Variants in FCHO2 observed in about 807,000 individuals in gnomAD.
The protein encoded by FCHO2 is F-BAR domain only protein 2.
In FCHO2, 43 loss-of-function variants were observed where a neutral mutation model predicts 114.1. That is an observed-to-expected ratio of 0.38 (90% CI 0.30 to 0.49). FCHO2 has a LOEUF of 0.49. Among genes scored for constraint, FCHO2 ranks in the 20% least tolerant of loss-of-function variants. FCHO2 has a pLI of 0.97. For synonymous variants in FCHO2, 293 were observed against 315.2 expected (o/e 0.93, Z 0.75); for missense variants, 807 against 950.4 (o/e 0.85, Z 1.98).
intron 16 of FCHO2, 106 bp from the exon 17 acceptor site, chr5:73,058,327 G>C: frequency 1.4e-6 from 1 of 709,606 alleles, no homozygotes; most frequent in East Asian, 2.9e-5. Flanking sequence ...TTTTAATTAT[G>C]TATATTGAGC....
chr5:73,024,399 T>TTGTG (rs1755803254), intron 8 of FCHO2, among the ~76,000 whole-genome samples: 1 of 151,958 alleles, frequency 6.6e-6, no homozygotes, highest in South Asian at 2.1e-4. Context: ...GTGCAGTGGT[T>TTGTG]TGTGACCTGC....
chr5:73,022,418 T>A (rs10062937), intron 8 of FCHO2, among the ~76,000 whole-genome samples: 1 of 152,214 alleles, frequency 6.6e-6, no homozygotes, highest in South Asian at 2.1e-4. Flanking sequence ...ATGCAATTTT[T>A]CCCACTCTGC....
At position 73,052,508 on chromosome 5, in the gene FCHO2, G is replaced by GT; in HGVS notation, c.1173+2dup. 1 of 1,581,448 alleles carries GT rather than the reference G, an allele frequency of 6.3e-7. No individual in the cohort carries two copies. The highest frequency in any genetic ancestry group is 8.6e-7 in the Non-Finnish European group (1 of 1,162,688). On this transcript the variant is annotated splice_donor_variant, in intron 13 of 25. Transcript: ENST00000430046. LOFTEE classifies it high-confidence loss of function. ...TATAACACTCTCCCCAGCAATATCT[G>GT]TAAGTACAAACACGTTTGTACTCTT...
chr5:72,972,200 A>G (rs966139154), intron 2 of FCHO2, among the ~76,000 whole-genome samples: 1 of 151,836 alleles, frequency 6.6e-6, no homozygotes, highest in African/African-American at 2.4e-5. Context: ...TTTTGGTTCC[A>G]TATGAACTTT....
chr5:72,988,562 T>C (rs1245751471), intron 2 of FCHO2, among the ~76,000 whole-genome samples: 1 of 152,210 alleles, frequency 6.6e-6, no homozygotes, highest in Non-Finnish European at 1.5e-5. Flanking sequence ...TAAAATCTCA[T>C]ATGCTAAACA....
intron 24 of FCHO2, among the ~76,000 whole-genome samples, chr5:73,086,775 G>C (rs1743326778): frequency 6.6e-6 from 1 of 151,984 alleles, no homozygotes; most frequent in South Asian, 2.1e-4. Context: ...ACCATGGCCT[G>C]GCCCATGCTA....
intron 2 of FCHO2, among the ~76,000 whole-genome samples, chr5:72,976,043 T>G (rs922630655): frequency 1.3e-5 from 2 of 152,222 alleles, no homozygotes; most frequent in Non-Finnish European, 2.9e-5. Context: ...TTTAATTTTG[T>G]AAGAAACCCA....
intron 9 of FCHO2, 74 bp downstream of exon 9, chr5:73,034,775 G>A: frequency 1.6e-6 from 2 of 1,231,980 alleles, no homozygotes; most frequent in Admixed American, 5.0e-5. Flanking sequence ...AACAAATAAG[G>A]AGGGACTGCT....
chr5:73,010,782 C>T (rs566050449), intron 6 of FCHO2, among the ~76,000 whole-genome samples: 2 of 147,108 alleles, frequency 1.4e-5, no homozygotes, highest in South Asian at 4.3e-4. Context: ...GAGGCTAAGG[C>T]ACCAGAATTG....
Position 73,058,975 on chromosome 5 carries a change from G to A in FCHO2, c.1345+451G>A, listed in dbSNP as rs948511124. ...ATTTAAAATTTATGGCTTACAAGAT[G>A]ATGTCCATGATACTTATTGCCAAAC... On this transcript the variant is annotated intron_variant, in intron 17 of 25. Coordinates refer to ENST00000430046, the MANE Select transcript of FCHO2 (RefSeq NM_138782.3). Among the ~76,000 whole-genome samples, 5 of 152,218 alleles carry A rather than the reference G, an allele frequency of 3.3e-5. No homozygotes were observed. The East Asian group carries it at 5.8e-4, about 18-fold the overall frequency.
chr5:73,001,574 G>A (rs948689516), intron 5 of FCHO2, among the ~76,000 whole-genome samples: 1 of 145,404 alleles, frequency 6.9e-6, no homozygotes, highest in East Asian at 2.0e-4. Context: ...CTATCATCTT[G>A]TATTAAAGAT....
chr5:73,032,473 GTT>G (rs958184499), intron 8 of FCHO2, among the ~76,000 whole-genome samples: 1 of 152,136 alleles, frequency 6.6e-6, no homozygotes, highest in African/African-American at 2.4e-5. Context: ...TAGGAAAAGA[GTT>G]TTGTGAGAAC....
intron 8 of FCHO2, chr5:73,021,067 T>G: frequency 1.1e-6 from 1 of 903,986 alleles, no homozygotes; most frequent in Non-Finnish European, 1.9e-6. Flanking sequence ...GTCCTCTCCC[T>G]CTGGAAAGAA....
At chr5:72,992,037 A>G (rs1408692005) in intron 5 of FCHO2, among the ~76,000 whole-genome samples, 1 of 152,214 alleles carries the variant, frequency 6.6e-6, no homozygotes, top group Non-Finnish European at 1.5e-5. Context: ...AATGTAATTA[A>G]TCCATTTCTA....
chr5:73,022,541 T>C (rs1272532590), intron 8 of FCHO2, among the ~76,000 whole-genome samples: 1 of 152,232 alleles, frequency 6.6e-6, no homozygotes, highest in Non-Finnish European at 1.5e-5. Flanking sequence ...GCCTTATTCA[T>C]GGCAGATACC....
chr5:72,988,140 T>C (rs377058383), intron 2 of FCHO2, among the ~76,000 whole-genome samples: 4 of 152,174 alleles, frequency 2.6e-5, no homozygotes, highest in East Asian at 1.9e-4. Context: ...AGTTTTGTAG[T>C]GTTAAGAAGG....
intron 2 of FCHO2, among the ~76,000 whole-genome samples, chr5:72,978,403 T>A (rs1753000225): frequency 6.6e-6 from 1 of 152,190 alleles, no homozygotes; most frequent in Non-Finnish European, 1.5e-5. Flanking sequence ...GATTTAGCTC[T>A]CTGTTTGTCT....
chr5:72,994,741 A>G (rs780208024), intron 5 of FCHO2, among the ~76,000 whole-genome samples: 1 of 151,754 alleles, frequency 6.6e-6, no homozygotes, highest in Non-Finnish European at 1.5e-5. Flanking sequence ...CATTTGATAA[A>G]GAAAATGTGG....
chr5:73,086,374 A>G (rs1743311419), intron 24 of FCHO2, among the ~76,000 whole-genome samples: 1 of 152,178 alleles, frequency 6.6e-6, no homozygotes, highest in African/African-American at 2.4e-5. Flanking sequence ...TAATAATACA[A>G]GTTGGATCAA....
Sources: gnomAD v4.1 joint callset for allele counts (sites outside exome capture counted in the v4.1 genomes callset) on GRCh38, gnomAD v4.1.1 for gene constraint, MANE v1.5 for transcripts, NCBI Gene and HGNC (gene_info 2026-07-23, HGNC 2026-07-21) for gene names.